Variants in WDR64 observed in about 807,000 individuals in gnomAD.
The protein encoded by WDR64 is WD repeat domain 64.
WDR64 carries 112 observed loss-of-function variants against 139.3 expected under a neutral mutation model. The ratio of observed to expected loss-of-function variants is 0.80; its 90% confidence interval spans 0.69 to 0.94. WDR64 has a LOEUF of 0.94. Ranked by LOEUF, WDR64 falls within the 40% of genes least tolerant of loss-of-function variation. The pLI is 0.00. For missense variants in WDR64, 1,206 were observed against 1,293.1 expected (o/e 0.93, Z 1.03); for synonymous variants, 444 against 437.7 (o/e 1.01, Z -0.18).
At chr1:241,687,675 A>G (rs957640802) in intron 8 of WDR64, 80 bp downstream of exon 8, 18 of 1,384,814 alleles carry the variant, frequency 1.3e-5, no homozygotes, top group Non-Finnish European at 1.6e-5. Context: ...CAGCTTTGAA[A>G]CTTTCAAACT....
chr1:241,695,898 G>T (rs1371251830), intron 8 of WDR64, among the ~76,000 whole-genome samples: 1 of 151,846 alleles, frequency 6.6e-6, no homozygotes, highest in Non-Finnish European at 1.5e-5. Flanking sequence ...AGAATCACTC[G>T]AGCCCAGGAG....
intron 23 of WDR64, among the ~76,000 whole-genome samples, chr1:241,784,953 G>GAAAAAAACAAAA (rs1658983627): frequency 1.6e-5 from 1 of 62,250 alleles, no homozygotes; most frequent in Non-Finnish European, 3.1e-5. Context: ...GACTCTGTCT[G>GAAAAAAACAAAA]AAAAAAAAAA....
At chr1:241,712,820 C>T (rs968664977) in intron 9 of WDR64, among the ~76,000 whole-genome samples, 17 of 151,774 alleles carry the variant, frequency 1.1e-4, no homozygotes, top group African/African-American at 3.9e-4. Context: ...GTCTCAGCTA[C>T]TCAAGAGGCT....
At chr1:241,737,710 G>C (rs987915158) in intron 10 of WDR64, among the ~76,000 whole-genome samples, 1 of 152,126 alleles carries the variant, frequency 6.6e-6, no homozygotes, top group African/African-American at 2.4e-5. Flanking sequence ...ACTTAACCTA[G>C]TTTTGCAGAA....
At chr1:241,735,597 C>A (rs568298198) in intron 10 of WDR64, among the ~76,000 whole-genome samples, 1 of 133,384 alleles carries the variant, frequency 7.5e-6, no homozygotes, top group South Asian at 2.4e-4. Context: ...TGCTGTAGTG[C>A]GATCTTGGCT....
chr1:241,708,711 TG>T (rs66490737), intron 8 of WDR64, among the ~76,000 whole-genome samples: 1,850 of 37,150 alleles, frequency 0.05, 108 homozygotes, highest in African/African-American at 0.11. Context: ...TTTGTTTTTT[TG>T]TTTTTTTTTT....
Position 241,801,573 on chromosome 1 carries a change from C to T in WDR64, c.*358C>T, listed in dbSNP as rs900070012. 2.2e-5 allele frequency: 9 copies of T among 405,262 alleles called. No homozygotes were observed. The highest frequency in any genetic ancestry group is 1.6e-4 in the African/African-American group (8 of 48,924). 25.1% of individuals were successfully genotyped at this position (405,262 alleles called of 1,614,324 possible). ...CTTACTCCACAGCAAGAATGACTGTCAGAACATGTGCAGTAAAAGGCACTT... is the reference window on the plus strand; with the variant it reads ...CTTACTCCACAGCAAGAATGACTGTTAGAACATGTGCAGTAAAAGGCACTT... On this transcript the variant is annotated 3_prime_UTR_variant, in exon 28 of 28. Transcript: ENST00000437684.
At chr1:241,701,278 GCACACA>G (rs71797604) in intron 8 of WDR64, among the ~76,000 whole-genome samples, 12 of 151,000 alleles carry the variant, frequency 7.9e-5, no homozygotes, top group African/African-American at 2.5e-4. Context: ...GCACATGCGC[GCACACA>G]CACACACACA....
chr1:241,756,178 T>C (rs1670183220), intron 14 of WDR64, among the ~76,000 whole-genome samples: 1 of 152,290 alleles, frequency 6.6e-6, no homozygotes, highest in Non-Finnish European at 1.5e-5. Flanking sequence ...ACGATATTGA[T>C]CTTCCTATCC....
At chr1:241,734,247 T>C (rs973439280) in intron 10 of WDR64, among the ~76,000 whole-genome samples, 1 of 152,134 alleles carries the variant, frequency 6.6e-6, no homozygotes, top group African/African-American at 2.4e-5. Flanking sequence ...ACATCTTACA[T>C]ATATTAATTG....
At chr1:241,787,435 C>T (rs892510040) in intron 23 of WDR64, among the ~76,000 whole-genome samples, 6 of 150,976 alleles carry the variant, frequency 4.0e-5, no homozygotes, top group African/African-American at 9.7e-5. Context: ...GAGGCCAAGG[C>T]GGGCAGATCA....
At position 241,801,258 on chromosome 1, in the gene WDR64, G is replaced by A. The variant is rs757898554; in HGVS notation, c.*43G>A. On this transcript the variant is annotated 3_prime_UTR_variant, in exon 28 of 28. Transcript: ENST00000437684. Reference sequence around the variant, plus strand: ...TGGCTGCTGCACATAAAATGGCAACGTTTGGATGATACCTGCTCTTTATTT... The same window carrying A: ...TGGCTGCTGCACATAAAATGGCAACATTTGGATGATACCTGCTCTTTATTT... 4.7e-6 allele frequency: 7 copies of A among 1,502,102 alleles called. No individual in the cohort carries two copies. Among genetic ancestry groups the A allele is most frequent in the Admixed American group, 3.4e-5 (2 of 59,668 alleles). 93.0% of individuals were successfully genotyped at this position (1,502,102 alleles called of 1,614,324 possible).
intron 27 of WDR64, 89 bp downstream of exon 27, chr1:241,796,459 A>C (rs1659367041): frequency 1.2e-6 from 1 of 863,242 alleles, no homozygotes; most frequent in South Asian, 1.9e-5. Context: ...TGCTTTCAGA[A>C]ACATTCTGAA....
Position 241,652,609 on chromosome 1 carries a change from GC to G in WDR64, c.126del (p.Leu43TyrfsTer26). 2 of 1,551,710 alleles carry G rather than the reference GC, an allele frequency of 1.3e-6. No individual in the cohort carries two copies. The highest frequency in any genetic ancestry group is 1.7e-6 in the Non-Finnish European group (2 of 1,146,998). ...GCCCAGAAAAGAGATGAAAGAGCAG[GC>G]TTATTTATCCATAAAGAAGGTAAGA... ...TAAQKRDERA[G>X]LFIHKEDAIG... is the part of the protein sequence containing the mutation. On this transcript the variant is annotated frameshift_variant, in exon 1 of 28. Transcript: ENST00000437684. LOFTEE classifies it high-confidence loss of function.
intron 2 of WDR64, among the ~76,000 whole-genome samples, chr1:241,666,841 A>T (rs1401559116): frequency 2.0e-5 from 3 of 152,216 alleles, no homozygotes; most frequent in Non-Finnish European, 1.5e-5. Flanking sequence ...ATTATTACTG[A>T]TTATCCTTAT....
At chr1:241,740,085 T>C (rs966942503) in intron 11 of WDR64, among the ~76,000 whole-genome samples, 1 of 152,202 alleles carries the variant, frequency 6.6e-6, no homozygotes. Context: ...ATTTTATAAA[T>C]GGAGAAACTG....
At chr1:241,702,620 G>C (rs932707560) in intron 8 of WDR64, among the ~76,000 whole-genome samples, 1 of 152,138 alleles carries the variant, frequency 6.6e-6, no homozygotes, top group Non-Finnish European at 1.5e-5. Flanking sequence ...CCTGCATCTA[G>C]AGCAGGGATT....
At chr1:241,759,719 C>T (rs958138609) in intron 15 of WDR64, among the ~76,000 whole-genome samples, 1 of 151,926 alleles carries the variant, frequency 6.6e-6, no homozygotes, top group Non-Finnish European at 1.5e-5. Flanking sequence ...ATTGTGGTAA[C>T]ATACACGTAA....
At chr1:241,795,117 A>G (rs1360760568) in intron 25 of WDR64, 90 bp from the exon 26 acceptor site, 5 of 1,099,726 alleles carry the variant, frequency 4.5e-6, no homozygotes, top group African/African-American at 3.1e-5. Flanking sequence ...CACACATCTA[A>G]TAAGTGACAG....
Sources: gnomAD v4.1 joint callset for allele counts (sites outside exome capture counted in the v4.1 genomes callset) on GRCh38, gnomAD v4.1.1 for gene constraint, MANE v1.5 for transcripts, NCBI Gene and HGNC (gene_info 2026-07-23, HGNC 2026-07-21) for gene names.